Variants in CASP2 observed in about 807,000 individuals in gnomAD.
CASP2 encodes caspase 2.
In CASP2, 38 loss-of-function variants were observed where a neutral mutation model predicts 54.4. The ratio of observed to expected loss-of-function variants is 0.70; its 90% CI spans 0.54 to 0.92. The LOEUF is 0.92. Ranked by LOEUF, CASP2 falls within the 40% of genes least tolerant of loss-of-function variation. The probability of loss-of-function intolerance (pLI) is 0.00; values close to 1 mark genes in which losing one functional copy is unlikely to be tolerated. For synonymous variants in CASP2, 215 were observed against 216.3 expected, an observed-to-expected ratio of 0.99 and a Z score of 0.05; for missense variants, 512 against 579.6, an observed-to-expected ratio of 0.88 and a Z score of 1.20.
chr7:143,293,007 TC>T, intron 4 of CASP2: 1 of 596,298 alleles, frequency 1.7e-6, no homozygotes, highest in Non-Finnish European at 3.0e-6. Context: ...TGAGACTCAG[TC>T]TCAAAAAATA....
In CASP2 at chr7:143,307,320, A is replaced by T. The variant is rs1293228927; in HGVS notation, c.*2249A>T. ...TAAATGTTTGTTGAATAAAAGAGGG[A>T]AGAAGGCAAGCCAACCTTAGCTACA... On this transcript the variant is annotated 3_prime_UTR_variant, in exon 11 of 11. Coordinates refer to ENST00000310447, the MANE Select transcript of CASP2 (RefSeq NM_032982.4). 2 of 152,248 alleles carry T rather than the reference A, an allele frequency of 1.3e-5. No individual in the cohort carries two copies. Among genetic ancestry groups the T allele is most frequent in the African/African-American group, 4.8e-5 (2 of 41,462 alleles). The allele number at this position is 152,248 out of a possible 1,614,324, so 9.4% of individuals were successfully genotyped here. A position where few individuals can be genotyped will look rare whatever the true frequency, so the allele number is the denominator to read the frequency against.
chr7:143,295,236 C>G (rs1165955852), intron 6 of CASP2, among the ~76,000 whole-genome samples: 3 of 152,130 alleles, frequency 2.0e-5, no homozygotes, highest in African/African-American at 7.2e-5. Context: ...CCATGTTGGC[C>G]AGGCTGGTCT....
chr7:143,300,058 A>G lies in CASP2; in HGVS notation c.876+7A>G. On this transcript the variant is annotated splice_region_variant and intron_variant, in intron 7 of 10. Transcript: ENST00000310447. ...GGATGGGAAACTGCTCCAGGTGCGG[A>G]TACCCTGGTGGAAGCCAACTGTTGA... 1 of 1,614,096 alleles carries G rather than the reference A, an allele frequency of 6.2e-7. No individual in the cohort carries two copies. Among genetic ancestry groups the G allele is most frequent in the South Asian group, 1.1e-5 (1 of 91,084 alleles).
chr7:143,294,146 A>G, intron 4 of CASP2, 84 bp from the exon 5 acceptor site: 1 of 823,818 alleles, frequency 1.2e-6, no homozygotes. Context: ...ACCCAGTTGC[A>G]AGAGATGTCT....
In CASP2 at chr7:143,304,661, C is replaced by T. The variant is rs1802014584; in HGVS notation, c.1118-13C>T. On this transcript the variant is annotated splice_polypyrimidine_tract_variant and intron_variant, in intron 9 of 10. Transcript: ENST00000310447. ...TGGCATTCACACTGTGATTAATGCC[C>T]TTTTGGTTGCAGGGACTGCCGCCAT... The T allele has an allele frequency of 6.2e-7, 1 of 1,606,544 alleles. No homozygotes were observed. Among genetic ancestry groups the T allele is most frequent in the Non-Finnish European group, 8.5e-7 (1 of 1,173,268 alleles).
At chr7:143,291,841 C>T (rs556930914) in intron 2 of CASP2, 151 bp downstream of exon 2, 207 of 643,272 alleles carry the variant, frequency 3.2e-4, no homozygotes, top group Non-Finnish European at 4.5e-4. Flanking sequence ...TACAATGGCG[C>T]GATCTTGGCT....
At chr7:143,292,122 A>T (rs1183749713) in intron 2 of CASP2, among the ~76,000 whole-genome samples, 178 bp from the exon 3 acceptor site, 1 of 152,156 alleles carries the variant, frequency 6.6e-6, no homozygotes, top group Non-Finnish European at 1.5e-5. Flanking sequence ...CTTCTACCGT[A>T]GAGCATTTGA....
chr7:143,288,893 G>A (rs965267669), intron 1 of CASP2, among the ~76,000 whole-genome samples: 1 of 152,208 alleles, frequency 6.6e-6, no homozygotes, highest in African/African-American at 2.4e-5. Context: ...ACCATACTCT[G>A]TCTCCTTAAA....
rs950531031 is a variant in CASP2, at chr7:143,307,236, A to C, written c.*2165A>C. The C allele has an allele frequency of 2.0e-5, 3 of 152,214 alleles. No individual in the cohort carries two copies. In the East Asian group the frequency reaches 5.8e-4, roughly 29 times the overall value. The allele number at this position is 152,214 out of a possible 1,614,324, so 9.4% of individuals were successfully genotyped here. A position where few individuals can be genotyped will look rare whatever the true frequency, so the allele number is the denominator to read the frequency against. On this transcript the variant is annotated 3_prime_UTR_variant, in exon 11 of 11. Transcript: ENST00000310447. ...TACCAGGCTGTAAATGAGGGCAGAA[A>C]CCTTGTTTGTTTTATTCACCATCAT...
At chr7:143,300,850 G>T in intron 8 of CASP2, 1 of 1,131,870 alleles carries the variant, frequency 8.8e-7, no homozygotes, top group South Asian at 2.0e-5. Flanking sequence ...AGCTGCTGCT[G>T]CCCCTCTTTC....
rs760622237 is a variant in CASP2, at chr7:143,303,919, A to C, written c.1103A>C (p.Tyr368Ser). The change falls in exon 9 of 11, where the codon TAT (tyrosine) becomes TCT (serine). Residue 368 changes from tyrosine (Y) to serine (S), a missense_variant. By Grantham distance (144) the Tyr-to-Ser change is moderately radical. This residue lies in a region of CASP2 where 417 missense variants were observed against 495.4 expected (regional missense o/e 0.84). Transcript: ENST00000310447. Reference protein sequence around the residue: ...LPTRSDMICGYACLKGTAAMR... With the variant: ...LPTRSDMICGSACLKGTAAMR... Reference sequence around the variant, plus strand: ...ACGCGCTCAGACATGATATGCGGCTATGCCTGCCTCAAAGGTACTTTGAGT... The same window carrying C: ...ACGCGCTCAGACATGATATGCGGCTCTGCCTGCCTCAAAGGTACTTTGAGT... 6.2e-7 allele frequency: 1 copy of C among 1,600,260 alleles called. No individual in the cohort carries two copies. Among genetic ancestry groups the C allele is most frequent in the South Asian group, 1.1e-5 (1 of 89,048 alleles).
chr7:143,292,392 G>A lies in CASP2; in HGVS notation c.318G>A (p.Leu106=). The change falls in exon 3 of 11, where the codon CTG becomes CTA. Residue 106 remains leucine, a synonymous_variant. Coordinates refer to ENST00000310447, the MANE Select transcript of CASP2 (RefSeq NM_032982.4). ...CTTTTGATGCCTTCTGTGAAGCACT[G>A]AGGGAGACCAAGCAAGGCCACCTGG... ...PQAFDAFCEA[L]RETKQGHLED... 3.1e-6 allele frequency: 5 copies of A among 1,614,162 alleles called. No individual in the cohort carries two copies. Among genetic ancestry groups the A allele is most frequent in the Non-Finnish European group, 4.2e-6 (5 of 1,180,030 alleles).
Position 143,306,450 on chromosome 7 carries a change from G to A in CASP2, c.*1379G>A, listed in dbSNP as rs1586472652. On this transcript the variant is annotated 3_prime_UTR_variant, in exon 11 of 11. Transcript: ENST00000310447. ...TTTTTTGTATTTTTAGTAGAGACAGGGTTTCACCATGTTAGCCGGGATGGT... is the reference window on the plus strand; with the variant it reads ...TTTTTTGTATTTTTAGTAGAGACAGAGTTTCACCATGTTAGCCGGGATGGT... The A allele has an allele frequency of 1.3e-5, 2 of 150,616 alleles. No homozygotes were observed. Among genetic ancestry groups the A allele is most frequent in the Non-Finnish European group, 3.0e-5 (2 of 67,748 alleles). The allele number at this position is 150,616 out of a possible 1,614,324, so 9.3% of individuals were successfully genotyped here.
At chr7:143,296,260 G>GCT (rs920965020) in intron 6 of CASP2, among the ~76,000 whole-genome samples, 1 of 152,268 alleles carries the variant, frequency 6.6e-6, no homozygotes, top group African/African-American at 2.4e-5. Context: ...TGGTTGAATT[G>GCT]CTCTGTAACT....
intron 6 of CASP2, among the ~76,000 whole-genome samples, chr7:143,299,049 TC>T (rs1299185196): frequency 6.6e-6 from 1 of 151,922 alleles, no homozygotes; most frequent in Non-Finnish European, 1.5e-5. Context: ...AGCCTCAACT[TC>T]CTAGGCTCCA....
rs1025675895 is a variant in CASP2, at chr7:143,305,866, C to G, written c.*795C>G. The G allele has an allele frequency of 6.6e-6, 1 of 152,406 alleles. No individual in the cohort carries two copies. The highest frequency in any genetic ancestry group is 2.1e-4 in the South Asian group (1 of 4,830). The allele number at this position is 152,406 out of a possible 1,614,324, so 9.4% of individuals were successfully genotyped here. ...TGGTGTGTTTCCCTAGACTCTGTAACCACCTCTCTGTCTTTTTCCTTCCTG... is the reference window on the plus strand; with the variant it reads ...TGGTGTGTTTCCCTAGACTCTGTAAGCACCTCTCTGTCTTTTTCCTTCCTG... On this transcript the variant is annotated 3_prime_UTR_variant, in exon 11 of 11. Transcript: ENST00000310447.
In CASP2 at chr7:143,300,072, G is replaced by A. The variant is rs200084042; in HGVS notation, c.876+21G>A. ...TCCAGGTGCGGATACCCTGGTGGAAGCCAACTGTTGAAACCAGGCTGCTTT... is the reference window on the plus strand; with the variant it reads ...TCCAGGTGCGGATACCCTGGTGGAAACCAACTGTTGAAACCAGGCTGCTTT... On this transcript the variant is annotated intron_variant, in intron 7 of 10. Coordinates refer to ENST00000310447, the MANE Select transcript of CASP2 (RefSeq NM_032982.4). 6.9e-5 allele frequency: 111 copies of A among 1,614,140 alleles called. 1 individual carries two copies. In the South Asian group the frequency reaches 1.2e-3, roughly 17 times the overall value.
At chr7:143,302,342 C>G (rs1269170163) in intron 8 of CASP2, 1 of 152,158 alleles carries the variant, frequency 6.6e-6, no homozygotes, top group East Asian at 1.9e-4. Flanking sequence ...TAATCTGGAT[C>G]TTTTGCTCTG....
At position 143,305,191 on chromosome 7, in the gene CASP2, C is replaced by T; in HGVS notation, c.*120C>T. The T allele has an allele frequency of 2.3e-6, 3 of 1,308,278 alleles. No individual in the cohort carries two copies. Among genetic ancestry groups the T allele is most frequent in the Non-Finnish European group, 3.2e-6 (3 of 924,042 alleles). The allele number at this position is 1,308,278 out of a possible 1,614,324, so 81.0% of individuals were successfully genotyped here. ...GCCCCCTCAGGGATGTGGGAATCTC[C>T]CAGACTTGTTTCCTGTGCCCATCAT... On this transcript the variant is annotated 3_prime_UTR_variant, in exon 11 of 11. Coordinates refer to ENST00000310447, the MANE Select transcript of CASP2 (RefSeq NM_032982.4).
Sources: allele counts gnomAD v4.1 joint callset (sites outside exome capture counted in the v4.1 genomes callset), GRCh38; gene constraint gnomAD v4.1.1; regional missense constraint gnomAD v4.1.1; transcripts MANE v1.5; gene names NCBI Gene and HGNC (gene_info 2026-07-23, HGNC 2026-07-21).